Variants in PRDM1 observed in about 807,000 individuals in gnomAD.
PRDM1 encodes PR/SET domain 1.
PRDM1 carries 13 observed loss-of-function variants against 62.8 expected under a neutral mutation model. That is an observed-to-expected ratio of 0.21 (90% CI 0.13 to 0.33). The LOEUF is 0.33. PRDM1 is among the 10% of genes least tolerant of loss of function. The pLI is 1.00. For synonymous variants in PRDM1, 396 were observed against 417.6 expected, an observed-to-expected ratio of 0.95 and a Z score of 0.63; for missense variants, 895 against 1,058.8, an observed-to-expected ratio of 0.85 and a Z score of 2.15.
intron 1 of PRDM1, among the ~76,000 whole-genome samples, chr6:106,040,614 A>G (rs1490917318): frequency 2.0e-5 from 3 of 152,236 alleles, no homozygotes; most frequent in Non-Finnish European, 2.9e-5. Flanking sequence ...GGTGTTGTCC[A>G]GATACATACC....
chr6:105,995,856 G>A (rs1185253551), intron 1 of PRDM1, among the ~76,000 whole-genome samples: 1 of 152,078 alleles, frequency 6.6e-6, no homozygotes, highest in African/African-American at 2.4e-5. Flanking sequence ...ACAATCTTTA[G>A]TTTGTAAGGC....
chr6:106,075,170 T>G (rs1320209049), intron 1 of PRDM1, among the ~76,000 whole-genome samples: 1 of 152,234 alleles, frequency 6.6e-6, no homozygotes, highest in Admixed American at 6.5e-5. Flanking sequence ...TTTCTTAATA[T>G]ATCAGCATAC....
intron 2 of PRDM1, among the ~76,000 whole-genome samples, chr6:106,093,527 T>C (rs1388627086): frequency 6.6e-6 from 1 of 152,252 alleles, no homozygotes; most frequent in Non-Finnish European, 1.5e-5. Flanking sequence ...TTTGTCATTC[T>C]AATATTATGG....
chr6:106,054,396 G>A (rs1314834683), intron 1 of PRDM1, among the ~76,000 whole-genome samples: 1 of 151,900 alleles, frequency 6.6e-6, no homozygotes, highest in East Asian at 1.9e-4. Context: ...GTTCCTTTCT[G>A]TCTATCTCTC....
chr6:106,059,835 G>T (rs1217629169), intron 1 of PRDM1, among the ~76,000 whole-genome samples: 1 of 152,188 alleles, frequency 6.6e-6, no homozygotes, highest in Non-Finnish European at 1.5e-5. Context: ...TTGGATATAG[G>T]TGGTGGGGAC....
intron 1 of PRDM1, among the ~76,000 whole-genome samples, chr6:106,062,936 C>G (rs1042899148): frequency 1.3e-5 from 2 of 152,148 alleles, no homozygotes; most frequent in Non-Finnish European, 2.9e-5. Context: ...CCAAAAACGC[C>G]TAAATGAAGA....
At chr6:106,021,602 C>T (rs529067159) in intron 1 of PRDM1, among the ~76,000 whole-genome samples, 1 of 152,280 alleles carries the variant, frequency 6.6e-6, no homozygotes, top group South Asian at 2.1e-4. Context: ...ACCTCCTCTT[C>T]TCAAAGTGAA....
intron 1 of PRDM1, among the ~76,000 whole-genome samples, chr6:106,031,918 G>A (rs1772849504): frequency 6.6e-6 from 1 of 151,698 alleles, no homozygotes; most frequent in Non-Finnish European, 1.5e-5. Flanking sequence ...AACTTTTTTT[G>A]TGCCCAGACC....
At chr6:106,094,894 C>T (rs910219848) in intron 2 of PRDM1, among the ~76,000 whole-genome samples, 1 of 142,160 alleles carries the variant, frequency 7.0e-6, no homozygotes, top group Admixed American at 7.2e-5. Context: ...TAGTGGGAGA[C>T]CTTGTCTTTA....
chr6:106,089,884 G>A (rs1390020507), intron 2 of PRDM1, among the ~76,000 whole-genome samples: 1 of 152,200 alleles, frequency 6.6e-6, no homozygotes, highest in Non-Finnish European at 1.5e-5. Context: ...CGTTTGTGCT[G>A]TGTTGCCCTG....
Position 106,109,093 on chromosome 6 carries a change from A to AG in PRDM1, c.*1607_*1608insG, listed in dbSNP as rs1428230829. On this transcript the variant is annotated 3_prime_UTR_variant, in exon 7 of 7. Coordinates refer to ENST00000369096, the MANE Select transcript of PRDM1 (RefSeq NM_001198.4). ...AAAAGATCTACTTTTTCTAAGGGCA[A>AG]AAAAAAAAAAAAAAAAAAAAGAACA... The AG allele has an allele frequency of 6.9e-6, 1 of 145,858 alleles. No individual in the cohort carries two copies. The highest frequency in any genetic ancestry group is 1.4e-5 in the Non-Finnish European group (1 of 69,436). The allele number at this position is 145,858 out of a possible 1,614,324, so 9.0% of individuals were successfully genotyped here. A position where few individuals can be genotyped will look rare whatever the true frequency, so the allele number is the denominator to read the frequency against.
chr6:106,016,251 C>A (rs1772618582), intron 1 of PRDM1, among the ~76,000 whole-genome samples: 1 of 152,138 alleles, frequency 6.6e-6, no homozygotes, highest in African/African-American at 2.4e-5. Flanking sequence ...GGGCTGTTGC[C>A]ACCTTTTAGC....
At chr6:106,091,915 A>T (rs1176310838) in intron 2 of PRDM1, among the ~76,000 whole-genome samples, 1 of 152,218 alleles carries the variant, frequency 6.6e-6, no homozygotes, top group Non-Finnish European at 1.5e-5. Flanking sequence ...TAGTTCTCTC[A>T]AGACAAATAT....
chr6:105,995,012 A>G (rs1361414349), intron 1 of PRDM1, among the ~76,000 whole-genome samples: 2 of 152,176 alleles, frequency 1.3e-5, no homozygotes, highest in African/African-American at 4.8e-5. Context: ...ACGCTGCCCG[A>G]CGCCGTCGCA....
At chr6:106,032,690 C>T (rs1425965039) in intron 1 of PRDM1, among the ~76,000 whole-genome samples, 1 of 152,168 alleles carries the variant, frequency 6.6e-6, no homozygotes, top group Non-Finnish European at 1.5e-5. Flanking sequence ...ATCCACCTGC[C>T]TCAGCTTCCC....
intron 1 of PRDM1, among the ~76,000 whole-genome samples, chr6:106,036,032 T>G (rs976465992): frequency 6.6e-6 from 1 of 152,130 alleles, no homozygotes; most frequent in Non-Finnish European, 1.5e-5. Flanking sequence ...CCTCCCAAAG[T>G]GCTGTGATTA....
intron 1 of PRDM1, among the ~76,000 whole-genome samples, chr6:106,002,217 A>T (rs1772434383): frequency 6.6e-6 from 1 of 152,242 alleles, no homozygotes; most frequent in Non-Finnish European, 1.5e-5. Context: ...AAGCAGAGGT[A>T]GAACAATGGG....
At chr6:106,078,937 T>TA (rs1374849334) in intron 1 of PRDM1, among the ~76,000 whole-genome samples, 1 of 151,660 alleles carries the variant, frequency 6.6e-6, no homozygotes, top group African/African-American at 2.4e-5. Flanking sequence ...AGTTTTATTT[T>TA]AAAAAAATTA....
intron 1 of PRDM1, among the ~76,000 whole-genome samples, chr6:106,017,553 A>G (rs916143631): frequency 2.0e-5 from 3 of 152,218 alleles, no homozygotes; most frequent in Non-Finnish European, 4.4e-5. Flanking sequence ...AACTAAGTTT[A>G]GAAACAGGCA....
Sources: gnomAD v4.1 joint callset for allele counts (sites outside exome capture counted in the v4.1 genomes callset) on GRCh38, gnomAD v4.1.1 for gene constraint, MANE v1.5 for transcripts, NCBI Gene and HGNC (gene_info 2026-07-23, HGNC 2026-07-21) for gene names.